The following ELF1 variants were observed in gnomAD, a reference collection of about 807,000 sequenced individuals.
ELF1 encodes ETS-related transcription factor Elf-1.
In ELF1, 24 loss-of-function variants were observed where a neutral mutation model predicts 59.9. That is an observed-to-expected ratio of 0.40 (90% confidence interval 0.29 to 0.56). The LOEUF (loss-of-function observed/expected upper bound fraction) is 0.56, where lower values mean the gene tolerates loss of function less well. ELF1 is among the 20% of genes least tolerant of loss of function. ELF1 has a pLI of 0.44. For missense variants in ELF1, 627 were observed against 742.2 expected (o/e 0.84, Z 1.80); for synonymous variants, 248 against 266.2 (o/e 0.93, Z 0.67).
intron 1 of ELF1, among the ~76,000 whole-genome samples, chr13:41,005,768 A>G (rs1401126408): frequency 2.0e-5 from 3 of 151,760 alleles, no homozygotes; most frequent in Non-Finnish European, 4.4e-5. Context: ...CCAGTTAATT[A>G]TAACTAAGGT....
intron 1 of ELF1, among the ~76,000 whole-genome samples, chr13:40,985,132 C>G (rs1873487181): frequency 6.6e-6 from 1 of 152,200 alleles, no homozygotes; most frequent in Non-Finnish European, 1.5e-5. Flanking sequence ...CAAAGAAAAG[C>G]ATTTTACTGG....
At chr13:41,035,612 G>C (rs1222739581) in intron 1 of ELF1, among the ~76,000 whole-genome samples, 1 of 151,264 alleles carries the variant, frequency 6.6e-6, no homozygotes, top group Non-Finnish European at 1.5e-5. Context: ...TGTAAAGAGA[G>C]AATAGCTTCT....
At chr13:40,942,094 C>T (rs1033902988) in intron 7 of ELF1, among the ~76,000 whole-genome samples, 1 of 152,054 alleles carries the variant, frequency 6.6e-6, no homozygotes, top group Non-Finnish European at 1.5e-5. Flanking sequence ...TTTAAATTGG[C>T]AAATGTATCA....
rs1240594967 is a variant in ELF1, at chr13:41,031,033, C to T, written c.-229+29805G>A. 2.0e-5 allele frequency among the ~76,000 whole-genome samples: 3 copies of T among 148,370 alleles called. 1 individual carries two copies. Among genetic ancestry groups the T allele is most frequent in the Non-Finnish European group, 4.5e-5 (3 of 66,780 alleles). On this transcript the variant is annotated intron_variant, in intron 1 of 1. Coordinates refer to the ELF1 transcript ENST00000405737. ...AAGAAATGAGCCAGGCATGGTGGTG[C>T]GTGCCTGGGGTCCCAGCTACTCAAG... is the stretch of plus-strand genomic sequence containing the variant.
At chr13:41,044,958 T>G (rs183015977) in intron 1 of ELF1, among the ~76,000 whole-genome samples, 1,815 of 152,172 alleles carry the variant, frequency 0.012, 43 homozygotes, top group African/African-American at 0.04. Flanking sequence ...ATTAATTATT[T>G]CCTCAATTTC....
chr13:40,943,102 T>C lies in ELF1; in HGVS notation c.656A>G (p.Gln219Arg). Residue 219 changes from glutamine (Q) to arginine (R), a missense_variant, in exon 7 of 9, where the codon CAG becomes CGG. By Grantham distance (43) the Gln-to-Arg change is conservative. Around this residue, in one of 3 missense-constraint regions of ELF1, gnomAD observed 232 missense variants for 269.2 expected, o/e 0.86. Coordinates refer to ENST00000239882, the MANE Select transcript of ELF1 (RefSeq NM_172373.4). ...YLWEFLLALL[Q>R]DKATCPKYIK... ...GTATTTAGGACAAGTAGCCTTGTCCTGGAGCAGTGCCAGTAAAAACTCCCA... is the reference window on the plus strand; with the variant it reads ...GTATTTAGGACAAGTAGCCTTGTCCCGGAGCAGTGCCAGTAAAAACTCCCA... 6.3e-7 allele frequency: 1 copy of C among 1,581,772 alleles called. No homozygotes were observed. Among genetic ancestry groups the C allele is most frequent in the Non-Finnish European group, 8.6e-7 (1 of 1,162,088 alleles).
chr13:40,981,979 A>C lies in ELF1; in HGVS notation c.72+4T>G. 3 of 1,604,896 alleles carry C rather than the reference A, an allele frequency of 1.9e-6. No individual in the cohort carries two copies. The highest frequency in any genetic ancestry group is 1.3e-5 in the African/African-American group (1 of 74,676). ...TAAAATGAAATTTTCTCTGAATCTC[A>C]TACCTGTCGTTCATCCTCCATGACG... On this transcript the variant is annotated splice_donor_region_variant and intron_variant, in intron 2 of 8. Coordinates refer to ENST00000239882, the MANE Select transcript of ELF1 (RefSeq NM_172373.4).
chr13:40,991,116 C>T (rs1424081923), intron 1 of ELF1, among the ~76,000 whole-genome samples: 3 of 152,090 alleles, frequency 2.0e-5, no homozygotes, highest in Non-Finnish European at 4.4e-5. Flanking sequence ...AGGGACATTC[C>T]ACGAAATACC....
intron 7 of ELF1, among the ~76,000 whole-genome samples, chr13:40,942,621 G>C (rs1870249996): frequency 6.6e-6 from 1 of 152,086 alleles, no homozygotes; most frequent in Non-Finnish European, 1.5e-5. Context: ...CCCGGGCTCA[G>C]GTGATTCTCC....
intron 1 of ELF1, among the ~76,000 whole-genome samples, chr13:41,027,206 T>C (rs1474409201): frequency 2.0e-5 from 3 of 152,184 alleles, no homozygotes; most frequent in Non-Finnish European, 2.9e-5. Flanking sequence ...ACCAGAAAAT[T>C]GGTGACAAAG....
chr13:41,027,230 A>C (rs1256037967), intron 1 of ELF1, among the ~76,000 whole-genome samples: 1 of 152,272 alleles, frequency 6.6e-6, no homozygotes, highest in African/African-American at 2.4e-5. Flanking sequence ...TTTGGGGCAG[A>C]ACAGATCTCT....
At chr13:41,040,003 G>C (rs1420769087) in intron 1 of ELF1, among the ~76,000 whole-genome samples, 1 of 152,068 alleles carries the variant, frequency 6.6e-6, no homozygotes, top group African/African-American at 2.4e-5. Context: ...AATTAAATTA[G>C]CAAAGATTCA....
intron 1 of ELF1, among the ~76,000 whole-genome samples, chr13:41,046,487 C>CA (rs1312173234): frequency 6.6e-6 from 1 of 152,198 alleles, no homozygotes; most frequent in Non-Finnish European, 1.5e-5. Context: ...CTGGTGGTGA[C>CA]AAAATCTCTC....
At chr13:40,992,727 T>A (rs1255628160) in intron 1 of ELF1, 1 of 227,116 alleles carries the variant, frequency 4.4e-6, no homozygotes, top group Non-Finnish European at 8.6e-6. Context: ...TGTAGTGTTT[T>A]CATTAGAGTC....
At chr13:40,999,103 G>A (rs1874272072) in intron 1 of ELF1, among the ~76,000 whole-genome samples, 1 of 152,208 alleles carries the variant, frequency 6.6e-6, no homozygotes, top group African/African-American at 2.4e-5. Context: ...GATGGAGTTC[G>A]TGGTAAAATG....
intron 8 of ELF1, among the ~76,000 whole-genome samples, chr13:40,939,854 C>CT (rs932236763): frequency 1.2e-4 from 19 of 152,242 alleles, no homozygotes; most frequent in African/African-American, 4.1e-4. Flanking sequence ...ATAAGGGCTA[C>CT]TCAAGATATA....
intron 1 of ELF1, among the ~76,000 whole-genome samples, chr13:41,035,833 T>C (rs2138413459): frequency 6.7e-6 from 1 of 149,684 alleles, no homozygotes; most frequent in African/African-American, 2.5e-5. Flanking sequence ...CACAACTTCT[T>C]GTTAAAAAAA....
intron 2 of ELF1, among the ~76,000 whole-genome samples, chr13:40,961,701 C>T (rs919800538): frequency 6.6e-6 from 1 of 152,342 alleles, no homozygotes; most frequent in Non-Finnish European, 1.5e-5. Flanking sequence ...CTAGCATAAA[C>T]ATGGACTTGT....
At position 40,958,818 on chromosome 13, in the gene ELF1, G is replaced by T; in HGVS notation, c.253+18C>A. 6.3e-7 allele frequency: 1 copy of T among 1,597,354 alleles called. No individual in the cohort carries two copies. The highest frequency in any genetic ancestry group is 2.2e-5 in the East Asian group (1 of 44,850). On this transcript the variant is annotated intron_variant, in intron 3 of 8. Transcript: ENST00000239882. Reference sequence around the variant, plus strand: ...AGCTGTGCTGCAGCAAGGTCCTACTGGATGGAGACACACGCACCTGTAAGG... The same window carrying T: ...AGCTGTGCTGCAGCAAGGTCCTACTTGATGGAGACACACGCACCTGTAAGG...
Sources: gnomAD v4.1 joint callset for allele counts (sites outside exome capture counted in the v4.1 genomes callset) on GRCh38, gnomAD v4.1.1 for gene constraint, gnomAD v4.1.1 regional missense constraint, MANE v1.5 for transcripts, NCBI Gene and HGNC (gene_info 2026-07-23, HGNC 2026-07-21) for gene names.